The following DCHS2 variants were observed in gnomAD, a reference collection of about 807,000 sequenced individuals.
The protein encoded by DCHS2 is protocadherin-23.
DCHS2 carries 142 observed loss-of-function variants against 182.4 expected under a neutral mutation model. The ratio of observed to expected loss-of-function variants is 0.78; its 90% confidence interval spans 0.68 to 0.89. DCHS2 has a LOEUF of 0.89. DCHS2 is among the 40% of genes least tolerant of loss of function. The pLI, the probability that DCHS2 is intolerant of heterozygous loss-of-function variation, is 0.00. For missense variants in DCHS2, 4,319 were observed against 4,198.6 expected, an observed-to-expected ratio of 1.03 and a Z score of -0.79; for synonymous variants, 1,740 against 1,663.3, an observed-to-expected ratio of 1.05 and a Z score of -1.12.
chr4:154,235,275 T>C lies in DCHS2; in HGVS notation c.9377A>G (p.His3126Arg), dbSNP rs2111079688. 6.2e-7 allele frequency: 1 copy of C among 1,614,100 alleles called. No individual in the cohort carries two copies. The highest frequency in any genetic ancestry group is 8.5e-7 in the Non-Finnish European group (1 of 1,179,970). ...RKCSDSALSD[H>R]ESRVPDSGIP... ...ACCCGAGTCTGGCACCCTGGACTCG[T>C]GGTCACTCAGAGCTGAGTCTGAGCA... The change falls in exon 20 of 20, where the codon CAC (histidine) becomes CGC (arginine). Residue 3126 changes from histidine to arginine, a missense_variant. Coordinates refer to ENST00000357232, the MANE Select transcript of DCHS2 (RefSeq NM_001358235.2).
At chr4:154,317,273 C>T (rs1276660323) in intron 9 of DCHS2, among the ~76,000 whole-genome samples, 1 of 152,160 alleles carries the variant, frequency 6.6e-6, no homozygotes, top group Admixed American at 6.5e-5. Flanking sequence ...TTTATCCATT[C>T]TTTTTAACAA....
At chr4:154,489,277 G>C (rs1373632830) in intron 1 of DCHS2, 27 bp downstream of exon 1, 97 of 1,465,640 alleles carry the variant, frequency 6.6e-5, no homozygotes, top group Non-Finnish European at 8.6e-5. Context: ...AAGCCTTCAG[G>C]TTGGCCCACA....
intron 12 of DCHS2, among the ~76,000 whole-genome samples, chr4:154,301,229 C>T (rs770890909): frequency 1.3e-5 from 2 of 152,162 alleles, no homozygotes; most frequent in Non-Finnish European, 2.9e-5. Flanking sequence ...GGAAGATATC[C>T]TTATGCAGTG....
chr4:154,285,215 G>A (rs1734339366), intron 13 of DCHS2, among the ~76,000 whole-genome samples: 1 of 152,140 alleles, frequency 6.6e-6, no homozygotes, highest in African/African-American at 2.4e-5. Flanking sequence ...GGGCCCTGAA[G>A]TACTCCTTGG....
chr4:154,336,681 A>G (rs1297138965), intron 3 of DCHS2, among the ~76,000 whole-genome samples: 1 of 152,220 alleles, frequency 6.6e-6, no homozygotes, highest in Non-Finnish European at 1.5e-5. Context: ...TACTGAAATC[A>G]AATATCTTGC....
At chr4:154,399,414 AG>A (rs760085500) in intron 1 of DCHS2, among the ~76,000 whole-genome samples, 15 of 152,372 alleles carry the variant, frequency 9.8e-5, no homozygotes, top group Non-Finnish European at 2.1e-4. Flanking sequence ...TGCATTAAAA[AG>A]AAAGAGCACA....
At chr4:154,437,573 A>T (rs1289574324) in intron 1 of DCHS2, among the ~76,000 whole-genome samples, 1 of 152,116 alleles carries the variant, frequency 6.6e-6, no homozygotes, top group Middle Eastern at 3.2e-3. Context: ...GTTTCTTTGG[A>T]GGGGAAATCT....
chr4:154,304,235 C>T (rs1735338548), intron 12 of DCHS2, among the ~76,000 whole-genome samples: 1 of 151,794 alleles, frequency 6.6e-6, no homozygotes, highest in Non-Finnish European at 1.5e-5. Context: ...ATGAAAGCAA[C>T]AAAAATAGAA....
intron 13 of DCHS2, chr4:154,272,059 T>C (rs940155543): frequency 3.9e-5 from 6 of 152,202 alleles, no homozygotes; most frequent in African/African-American, 1.2e-4. Flanking sequence ...TTGCTCAGCA[T>C]TTTTTGAGAA....
intron 3 of DCHS2, 121 bp from the exon 4 acceptor site, chr4:154,335,225 C>T: frequency 1.4e-6 from 1 of 699,454 alleles, no homozygotes; most frequent in Non-Finnish European, 2.5e-6. Flanking sequence ...AACTGGGCCA[C>T]AGGATGTCCA....
At position 154,489,663 on chromosome 4, in the gene DCHS2, C is replaced by T. The variant is rs1409800092; in HGVS notation, c.1693G>A (p.Asp565Asn). The T allele has an allele frequency of 9.0e-6, 14 of 1,551,524 alleles. No homozygotes were observed. The highest frequency in any genetic ancestry group is 4.1e-5 in the African/African-American group (3 of 73,044). The part of the protein sequence containing the change: ...GTVVMWVSAS[D>N]ADEAGSDHAW... ...TGATCACTGCCTGCCTCGTCGGCAT[C>T]GGAGGCGCTGACCCACATGACTACA... The change falls in exon 1 of 20, where the codon GAT (aspartate) becomes AAT (asparagine). Residue 565 changes from aspartate to asparagine, a missense_variant. Physicochemically the swap from Asp to Asn is conservative, Grantham distance 23 (BLOSUM62 1). Coordinates refer to ENST00000357232, the MANE Select transcript of DCHS2 (RefSeq NM_001358235.2).
chr4:154,344,279 A>C (rs1430389977), intron 3 of DCHS2, among the ~76,000 whole-genome samples: 2 of 152,226 alleles, frequency 1.3e-5, no homozygotes. Flanking sequence ...AAGTGTCCCC[A>C]TAACACTAAT....
intron 1 of DCHS2, among the ~76,000 whole-genome samples, chr4:154,469,921 T>C (rs1319741825): frequency 1.3e-5 from 2 of 152,218 alleles, no homozygotes; most frequent in African/African-American, 4.8e-5. Flanking sequence ...TTATTCTTTA[T>C]AGCACTTTTT....
At chr4:154,477,231 C>A (rs113560631) in intron 1 of DCHS2, among the ~76,000 whole-genome samples, 1 of 152,096 alleles carries the variant, frequency 6.6e-6, no homozygotes, top group African/African-American at 2.4e-5. Context: ...CCTCACGTGG[C>A]GGAAAGAGAT....
At chr4:154,374,757 T>G (rs1730809691) in intron 2 of DCHS2, among the ~76,000 whole-genome samples, 2 of 152,082 alleles carry the variant, frequency 1.3e-5, no homozygotes, top group Admixed American at 6.6e-5. Flanking sequence ...CAGAGAGGTG[T>G]TAGTAGGGTC....
At chr4:154,263,980 G>C (rs1733114575) in intron 14 of DCHS2, among the ~76,000 whole-genome samples, 1 of 151,880 alleles carries the variant, frequency 6.6e-6, no homozygotes, top group Non-Finnish European at 1.5e-5. Flanking sequence ...CCTTGGTGTT[G>C]ATTGAAAGGG....
chr4:154,318,882 C>T (rs1735952985), intron 9 of DCHS2, among the ~76,000 whole-genome samples: 1 of 151,898 alleles, frequency 6.6e-6, no homozygotes, highest in Non-Finnish European at 1.5e-5. Flanking sequence ...CAAAGAACCC[C>T]AAAGAGTGAA....
intron 1 of DCHS2, among the ~76,000 whole-genome samples, chr4:154,382,368 T>G (rs1327160741): frequency 6.6e-6 from 1 of 152,138 alleles, no homozygotes; most frequent in East Asian, 1.9e-4. Context: ...TATTTAAATA[T>G]AAGACCTCAA....
rs540334322 is a variant in DCHS2, at chr4:154,472,246, C to T, written c.2052+17058G>A. Among the ~76,000 whole-genome samples, 6 of 152,320 alleles carry T rather than the reference C, an allele frequency of 3.9e-5. No homozygotes were observed. In the South Asian group the frequency reaches 1.2e-3, roughly 32 times the overall value. On this transcript the variant is annotated intron_variant, in intron 1 of 19. Transcript: ENST00000357232. Reference sequence around the variant, plus strand: ...TTGACAATGATTGTAATTTTCTGTACTGAGATCTCTTCCAAGTCTAACATT... The same window carrying T: ...TTGACAATGATTGTAATTTTCTGTATTGAGATCTCTTCCAAGTCTAACATT...
Sources: gnomAD v4.1 joint callset for allele counts (sites outside exome capture counted in the v4.1 genomes callset) on GRCh38, gnomAD v4.1.1 for gene constraint, MANE v1.5 for transcripts, NCBI Gene and HGNC (gene_info 2026-07-23, HGNC 2026-07-21) for gene names.